SYT14: variants seen among roughly 807,000 people sequenced by gnomAD.
SYT14 encodes the protein synaptotagmin-14.
In SYT14, 32 loss-of-function variants were observed where a neutral mutation model predicts 74.2. The ratio of observed to expected loss-of-function variants is 0.43; its 90% CI spans 0.33 to 0.58. The LOEUF is 0.58. Ranked by LOEUF, SYT14 falls within the 20% of genes least tolerant of loss-of-function variation. The probability of loss-of-function intolerance (pLI) is 0.05; values close to 1 mark genes in which losing one functional copy is unlikely to be tolerated. For synonymous variants in SYT14, 298 were observed against 337.7 expected, an observed-to-expected ratio of 0.88 and a Z score of 1.29; for missense variants, 791 against 981.8, an observed-to-expected ratio of 0.81 and a Z score of 2.60.
intron 5 of SYT14, among the ~76,000 whole-genome samples, chr1:210,047,377 T>C (rs866871693): frequency 1.3e-5 from 2 of 152,194 alleles, no homozygotes; most frequent in African/African-American, 4.8e-5. Flanking sequence ...TTCTTGTGTA[T>C]CCTAATTTGA....
chr1:209,970,197 G>A (rs2079227192), intron 2 of SYT14, among the ~76,000 whole-genome samples: 1 of 152,102 alleles, frequency 6.6e-6, no homozygotes, highest in South Asian at 2.1e-4. Flanking sequence ...TATAGCTTCA[G>A]AATTTACATT....
At chr1:209,975,689 G>C (rs2079348902) in intron 2 of SYT14, among the ~76,000 whole-genome samples, 1 of 152,184 alleles carries the variant, frequency 6.6e-6, no homozygotes, top group Non-Finnish European at 1.5e-5. Flanking sequence ...TCTCTGCCAG[G>C]CTTTGGTATC....
At chr1:210,013,575 C>T in intron 2 of SYT14, 58 bp from the exon 3 acceptor site, 2 of 1,526,872 alleles carry the variant, frequency 1.3e-6, no homozygotes, top group Non-Finnish European at 1.8e-6. Flanking sequence ...GGGTTTCCTT[C>T]TTATTTGTAG....
chr1:209,956,430 C>T (rs181079375), intron 2 of SYT14, among the ~76,000 whole-genome samples: 13 of 152,122 alleles, frequency 8.5e-5, no homozygotes, highest in Admixed American at 8.5e-4. Context: ...CAGCACATGG[C>T]TTTGGAGGTT....
exon 10 of SYT14, chr1:210,169,897 T>C (rs2083504846): frequency 6.6e-6 from 1 of 152,120 alleles, no homozygotes; most frequent in Non-Finnish European, 1.5e-5. Flanking sequence ...ATTAGTGGAA[T>C]CTTTTATTCA....
rs546062421 is a variant in SYT14, at chr1:209,965,257, C to T, written c.-486+12501C>T. On this transcript the variant is annotated intron_variant, in intron 2 of 9. Transcript: ENST00000637265. ...CCTTTCTCTTCTCTTTTAGAGTCCC[C>T]GTGTCTATTGTTTCCATCTTTATGT... Among the ~76,000 whole-genome samples the T allele has an allele frequency of 5.1e-4, 77 of 152,180 alleles. 1 individual carries two copies. The highest frequency in any genetic ancestry group is 5.9e-5 in the Non-Finnish European group (4 of 67,996).
rs993107870 is a variant in SYT14, at chr1:210,015,825, A to G, written c.-179A>G. On this transcript the variant is annotated 5_prime_UTR_variant, in exon 4 of 10. Transcript: ENST00000637265. ...TTTCCGGAAGAATCTTTACTTCAAC[A>G]TATTTCTTTCAATGCATAATGTATT... is the stretch of plus-strand genomic sequence containing the variant. 6.8e-6 allele frequency: 8 copies of G among 1,168,202 alleles called. No homozygotes were observed. The African/African-American group carries it at 9.5e-5, about 14-fold the overall frequency. The allele number at this position is 1,168,202 out of a possible 1,614,324, so 72.4% of individuals were successfully genotyped here. A position where few individuals can be genotyped will look rare whatever the true frequency, so the allele number is the denominator to read the frequency against.
At chr1:209,961,729 A>AT (rs925655886) in intron 2 of SYT14, among the ~76,000 whole-genome samples, 183 of 148,648 alleles carry the variant, frequency 1.2e-3, no homozygotes, top group Middle Eastern at 6.9e-3. Flanking sequence ...AATCAGATGT[A>AT]TTTTTTTTTT....
intron 5 of SYT14, among the ~76,000 whole-genome samples, chr1:210,075,914 G>A (rs1025376041): frequency 6.6e-6 from 1 of 152,134 alleles, no homozygotes; most frequent in Non-Finnish European, 1.5e-5. Context: ...GTACCTGCAT[G>A]ATGGGTGTAT....
At chr1:210,160,625 C>A in intron 9 of SYT14, 104 bp from the exon 9 acceptor site, 1 of 980,760 alleles carries the variant, frequency 1.0e-6, no homozygotes, top group Non-Finnish European at 1.5e-6. Context: ...TGGTATACAC[C>A]ATATCCTTAT....
intron 2 of SYT14, among the ~76,000 whole-genome samples, chr1:209,990,548 T>TACGTATATATACGTATATATATATATAC (rs59238920): frequency 2.9e-5 from 2 of 68,062 alleles, no homozygotes; most frequent in East Asian, 3.3e-4. Flanking sequence ...CGTATATATA[T>TACGTATATATACGTATATATATATATAC]GTATATATAT....
chr1:210,131,688 A>G (rs1303674492), intron 7 of SYT14, among the ~76,000 whole-genome samples: 1 of 152,084 alleles, frequency 6.6e-6, no homozygotes, highest in Non-Finnish European at 1.5e-5. Context: ...CCCTTTTTAT[A>G]TGTGTAGCTA....
chr1:209,995,133 A>G (rs1393039819), intron 2 of SYT14, among the ~76,000 whole-genome samples: 1 of 152,230 alleles, frequency 6.6e-6, no homozygotes, highest in Non-Finnish European at 1.5e-5. Context: ...GATGAAAATC[A>G]TACATATCAA....
chr1:210,019,740 C>T (rs1410072441), intron 4 of SYT14, among the ~76,000 whole-genome samples: 4 of 152,154 alleles, frequency 2.6e-5, no homozygotes, highest in South Asian at 2.1e-4. Context: ...AATTTCTTTA[C>T]TACAGATGCT....
intron 2 of SYT14, among the ~76,000 whole-genome samples, chr1:210,011,914 T>C (rs1484949671): frequency 6.6e-6 from 1 of 152,142 alleles, no homozygotes; most frequent in Non-Finnish European, 1.5e-5. Context: ...TCCAAATGAC[T>C]GATATAGGGG....
intron 7 of SYT14, among the ~76,000 whole-genome samples, chr1:210,149,344 C>T (rs2083112538): frequency 6.6e-6 from 1 of 151,836 alleles, no homozygotes; most frequent in Non-Finnish European, 1.5e-5. Context: ...GCCACCACAC[C>T]TGGCTAATTT....
intron 2 of SYT14, among the ~76,000 whole-genome samples, chr1:209,986,334 G>A (rs539255741): frequency 1.1e-4 from 17 of 152,256 alleles, no homozygotes; most frequent in African/African-American, 3.4e-4. Context: ...GGCTGGGCGC[G>A]GTGGCTCATG....
intron 2 of SYT14, among the ~76,000 whole-genome samples, chr1:209,977,168 A>G (rs1052254307): frequency 2.0e-5 from 3 of 152,146 alleles, no homozygotes; most frequent in African/African-American, 7.2e-5. Flanking sequence ...CCAATTTGCC[A>G]GTCTGTGTCT....
At chr1:210,051,982 G>T (rs968895622) in intron 5 of SYT14, among the ~76,000 whole-genome samples, 4 of 152,050 alleles carry the variant, frequency 2.6e-5, no homozygotes, top group South Asian at 2.1e-4. Flanking sequence ...TGCTACTTAT[G>T]TTAACTTTTG....
Sources: allele counts gnomAD v4.1 joint callset (sites outside exome capture counted in the v4.1 genomes callset), GRCh38; gene constraint gnomAD v4.1.1; transcripts MANE v1.5; gene names NCBI Gene and HGNC (gene_info 2026-07-23, HGNC 2026-07-21).